ANKFN1: variants seen among roughly 807,000 people sequenced by gnomAD.
ANKFN1 encodes the protein ankyrin repeat and fibronectin type III domain containing 1.
In ANKFN1, 74 loss-of-function variants were observed where a neutral mutation model predicts 108.7. That is an observed-to-expected ratio of 0.68 (90% confidence interval 0.56 to 0.83). ANKFN1 has a LOEUF of 0.83. Ranked by LOEUF, ANKFN1 falls within the 40% of genes least tolerant of loss-of-function variation. ANKFN1 has a pLI of 0.00. For missense variants in ANKFN1, 1,505 were observed against 1,382.3 expected, an observed-to-expected ratio of 1.09 and a Z score of -1.41; for synonymous variants, 547 against 516.2, an observed-to-expected ratio of 1.06 and a Z score of -0.81.
chr17:56,189,938 T>A (rs1413526029), intron 1 of ANKFN1, among the ~76,000 whole-genome samples: 3 of 150,494 alleles, frequency 2.0e-5, no homozygotes, highest in Non-Finnish European at 4.4e-5. Flanking sequence ...AAAGGCATTA[T>A]CATGACAAAA....
At chr17:56,437,973 G>GGGGTGTGTGTGTGTGT (rs1555653063) in intron 8 of ANKFN1, among the ~76,000 whole-genome samples, 4,924 of 142,166 alleles carry the variant, frequency 0.035, 308 homozygotes, top group African/African-American at 0.12. Context: ...ATCTACTGTA[G>GGGGTGTGTGTGTGTGT]GTGTGTGTGT....
At chr17:56,366,564 A>G (rs1253665965) in intron 6 of ANKFN1, among the ~76,000 whole-genome samples, 1 of 152,212 alleles carries the variant, frequency 6.6e-6, no homozygotes, top group African/African-American at 2.4e-5. Flanking sequence ...AATGCCCTAT[A>G]CAGCTCTACC....
intron 8 of ANKFN1, among the ~76,000 whole-genome samples, chr17:56,399,846 TA>T (rs1567972987): frequency 8.7e-5 from 10 of 114,516 alleles, no homozygotes; most frequent in Non-Finnish European, 1.3e-4. Flanking sequence ...CCATTTTTTA[TA>T]TATATATATA....
rs751608511 is a variant in ANKFN1 at position 56,129,240 on chromosome 17, C to T, written c.288+82915C>T. Among the ~76,000 whole-genome samples, 9 of 152,212 alleles carry T rather than the reference C, an allele frequency of 5.9e-5. 1 individual carries two copies. Among genetic ancestry groups the T allele is most frequent in the South Asian group, 2.1e-4 (1 of 4,804 alleles). On this transcript the variant is annotated intron_variant, in intron 4 of 12. Transcript: ENST00000635860. ...TGAATGCCCTGACAATTGGAGATGACGCTTCTTCTCATCAACCTCCCAGGA... is the reference window on the plus strand; with the variant it reads ...TGAATGCCCTGACAATTGGAGATGATGCTTCTTCTCATCAACCTCCCAGGA...
chr17:56,327,545 C>CTCCA (rs2045555335), intron 4 of ANKFN1, among the ~76,000 whole-genome samples: 1 of 152,140 alleles, frequency 6.6e-6, no homozygotes, highest in Non-Finnish European at 1.5e-5. Flanking sequence ...TGGAAAGGAT[C>CTCCA]TCCAAGCCAC....
chr17:56,281,800 C>T lies in ANKFN1; in HGVS notation c.54-44421C>T, dbSNP rs115164707. ...ATTAACATCACAATGAAATACCCCT[C>T]ACACTATTTTAATGGCTAAAAATAC... On this transcript the variant is annotated intron_variant, in intron 3 of 20. Coordinates refer to ENST00000682825, the MANE Select transcript of ANKFN1 (RefSeq NM_001370326.1). Among the ~76,000 whole-genome samples, 311 of 152,302 alleles carry T rather than the reference C, an allele frequency of 2.0e-3. 2 individuals are homozygous for T. The highest frequency in any genetic ancestry group is 7.3e-3 in the African/African-American group (305 of 41,566).
At position 56,385,856 on chromosome 17, in the gene ANKFN1, C is replaced by T. The variant is rs922527764; in HGVS notation, c.910+11142C>T. Among the ~76,000 whole-genome samples, 21 of 152,280 alleles carry T rather than the reference C, an allele frequency of 1.4e-4. 1 individual carries two copies. In the South Asian group the frequency reaches 2.1e-3, roughly 15 times the overall value. ...GAGAGGATGTGGAGAAACAGGAACA[C>T]TTTTACACTGTTGGTGGGACTGTAA... On this transcript the variant is annotated intron_variant, in intron 8 of 20. Coordinates refer to ENST00000682825, the MANE Select transcript of ANKFN1 (RefSeq NM_001370326.1).
At chr17:56,451,598 T>C (rs1245565401) in intron 11 of ANKFN1, among the ~76,000 whole-genome samples, 1 of 152,162 alleles carries the variant, frequency 6.6e-6, no homozygotes, top group Non-Finnish European at 1.5e-5. Flanking sequence ...AGCTGTGTAT[T>C]ATTGGGAAGA....
At chr17:56,230,750 C>T (rs140798727) in intron 3 of ANKFN1, among the ~76,000 whole-genome samples, 7 of 152,098 alleles carry the variant, frequency 4.6e-5, no homozygotes, top group African/African-American at 1.2e-4. Context: ...CTGTAAAATG[C>T]GCAATTGCTT....
intron 3 of ANKFN1, among the ~76,000 whole-genome samples, chr17:56,274,797 A>G (rs1412278690): frequency 1.3e-5 from 2 of 152,192 alleles, no homozygotes; most frequent in Non-Finnish European, 2.9e-5. Context: ...TCATTCATTC[A>G]GCCAGAGGAG....
chr17:56,359,235 G>A (rs1386969457), intron 6 of ANKFN1, among the ~76,000 whole-genome samples: 2 of 152,066 alleles, frequency 1.3e-5, no homozygotes, highest in Non-Finnish European at 2.9e-5. Flanking sequence ...CATCGACACA[G>A]ACACACACAC....
intron 4 of ANKFN1, among the ~76,000 whole-genome samples, chr17:56,050,696 T>C (rs1187824161): frequency 1.3e-5 from 2 of 151,976 alleles, no homozygotes; most frequent in African/African-American, 4.8e-5. Flanking sequence ...AAAGATCAGA[T>C]AGTTGTAGAT....
chr17:56,209,221 C>A (rs1914777031), intron 1 of ANKFN1, among the ~76,000 whole-genome samples: 2 of 152,138 alleles, frequency 1.3e-5, no homozygotes. Flanking sequence ...TCCATTCTTC[C>A]TTACCTCTCT....
rs143849411 is a variant in ANKFN1, at chr17:56,234,244, C to T, written c.53+6287C>T. ...ACCTTTATATGGTATTCACACCATACGGATACAAAGCATTCAAATAAACTA... is the reference window on the plus strand; with the variant it reads ...ACCTTTATATGGTATTCACACCATATGGATACAAAGCATTCAAATAAACTA... On this transcript the variant is annotated intron_variant, in intron 3 of 20. Coordinates refer to ENST00000682825, the MANE Select transcript of ANKFN1 (RefSeq NM_001370326.1). 3.4e-3 allele frequency among the ~76,000 whole-genome samples: 518 copies of T among 152,060 alleles called. 1 individual carries two copies. Among genetic ancestry groups the T allele is most frequent in the Non-Finnish European group, 5.6e-3 (380 of 67,996 alleles).
chr17:56,288,141 T>C (rs1489676967), intron 3 of ANKFN1, among the ~76,000 whole-genome samples: 1 of 152,168 alleles, frequency 6.6e-6, no homozygotes, highest in African/African-American at 2.4e-5. Flanking sequence ...TCAAGGAATA[T>C]ATTCATACAG....
intron 8 of ANKFN1, among the ~76,000 whole-genome samples, chr17:56,390,479 G>A (rs887885731): frequency 2.0e-5 from 3 of 152,130 alleles, no homozygotes; most frequent in Non-Finnish European, 4.4e-5. Context: ...CCAAGTCTTT[G>A]CTATTTTAAT....
intron 3 of ANKFN1, among the ~76,000 whole-genome samples, chr17:56,257,759 G>T (rs1279618383): frequency 1.3e-5 from 2 of 152,126 alleles, no homozygotes; most frequent in African/African-American, 4.8e-5. Flanking sequence ...TGACACCCTC[G>T]ATCTAGAAAA....
chr17:56,069,112 G>A (rs1044737086), intron 4 of ANKFN1, among the ~76,000 whole-genome samples: 7 of 152,218 alleles, frequency 4.6e-5, no homozygotes, highest in African/African-American at 1.7e-4. Context: ...GAAGGAATTA[G>A]CAGTAATTTA....
chr17:56,383,215 G>A lies in ANKFN1; in HGVS notation c.910+8501G>A, dbSNP rs191701043. ...CAACTACATGGAAACCGAACAACCT[G>A]CTCCTGAATGACTACTGGGTACATA... On this transcript the variant is annotated intron_variant, in intron 8 of 20. Coordinates refer to ENST00000682825, the MANE Select transcript of ANKFN1 (RefSeq NM_001370326.1). 1.1e-3 allele frequency among the ~76,000 whole-genome samples: 164 copies of A among 152,190 alleles called. 2 individuals are homozygous for A. In the Middle Eastern group the frequency reaches 0.014, roughly 13 times the overall value.
Sources: allele counts gnomAD v4.1 joint callset (sites outside exome capture counted in the v4.1 genomes callset), GRCh38; gene constraint gnomAD v4.1.1; transcripts MANE v1.5; gene names NCBI Gene and HGNC (gene_info 2026-07-23, HGNC 2026-07-21).